The following RAB3GAP1 variants were observed in gnomAD, a reference collection of about 807,000 sequenced individuals.
The protein encoded by RAB3GAP1 is rab3 GTPase-activating protein catalytic subunit.
In RAB3GAP1, 86 loss-of-function variants were observed where a neutral mutation model predicts 130.7. That is an observed-to-expected ratio of 0.66 (90% CI 0.55 to 0.79). The LOEUF (loss-of-function observed/expected upper bound fraction) is 0.79, where lower values mean the gene tolerates loss of function less well. Ranked by LOEUF, RAB3GAP1 falls within the 30% of genes least tolerant of loss-of-function variation. The probability of loss-of-function intolerance (pLI) is 0.00; values close to 1 mark genes in which losing one functional copy is unlikely to be tolerated. For missense variants in RAB3GAP1, 1,029 were observed against 1,169.4 expected (o/e 0.88, Z 1.75); for synonymous variants, 367 against 401.7 (o/e 0.91, Z 1.03).
chr2:135,134,102 AT>A, intron 15 of RAB3GAP1, 69 bp downstream of exon 15: 3 of 1,571,974 alleles, frequency 1.9e-6, no homozygotes, highest in African/African-American at 1.3e-5. Context: ...CTTTTGACCT[AT>A]TTTTTCCCCC....
chr2:135,117,765 G>GCTTCTTCTTCTGCTT (rs1691065575), intron 7 of RAB3GAP1, among the ~76,000 whole-genome samples: 1 of 30,414 alleles, frequency 3.3e-5, no homozygotes, highest in African/African-American at 1.0e-4. Context: ...TGCTTCTTCT[G>GCTTCTTCTTCTGCTT]CTGCTTCTTC....
At chr2:135,124,398 GCTCATGCC>G in intron 9 of RAB3GAP1, 152 bp downstream of exon 9, 1 of 884,728 alleles carries the variant, frequency 1.1e-6, no homozygotes, top group Non-Finnish European at 1.8e-6. Flanking sequence ...CTGGGCACAG[GCTCATGCC>G]TGTAATCCTA....
intron 17 of RAB3GAP1, among the ~76,000 whole-genome samples, chr2:135,140,617 A>C (rs1179261070): frequency 6.6e-6 from 1 of 152,198 alleles, no homozygotes; most frequent in East Asian, 1.9e-4. Flanking sequence ...TGTTGCAACA[A>C]ATTGTGACCA....
chr2:135,052,986 T>G (rs1688921536), intron 2 of RAB3GAP1, among the ~76,000 whole-genome samples: 1 of 152,190 alleles, frequency 6.6e-6, no homozygotes, highest in South Asian at 2.1e-4. Flanking sequence ...CTGTCTTTAA[T>G]TTTTTATTTT....
Position 135,162,543 on chromosome 2 carries a change from C to T in RAB3GAP1, c.2290-12C>T. ...CTGCGCTGATCATTTGTGTGCGCTG[C>T]ACCTCCTTCAGGTGCTGCACTATCT... On this transcript the variant is annotated splice_polypyrimidine_tract_variant and intron_variant, in intron 19 of 23. Coordinates refer to ENST00000264158, the MANE Select transcript of RAB3GAP1 (RefSeq NM_012233.3). 1 of 1,606,648 alleles carries T rather than the reference C, an allele frequency of 6.2e-7. No individual in the cohort carries two copies. Among genetic ancestry groups the T allele is most frequent in the Non-Finnish European group, 8.5e-7 (1 of 1,173,940 alleles).
At chr2:135,109,497 A>G (rs1690732580) in intron 5 of RAB3GAP1, among the ~76,000 whole-genome samples, 1 of 152,084 alleles carries the variant, frequency 6.6e-6, no homozygotes. Context: ...GCATAGATAT[A>G]AAGAAATATG....
chr2:135,104,703 T>C (rs1271024336), intron 5 of RAB3GAP1, among the ~76,000 whole-genome samples: 1 of 143,572 alleles, frequency 7.0e-6, no homozygotes, highest in Admixed American at 7.0e-5. Flanking sequence ...AAATACAAAA[T>C]AAATAAATAA....
chr2:135,111,803 A>G (rs993442283), intron 5 of RAB3GAP1, among the ~76,000 whole-genome samples: 1 of 152,204 alleles, frequency 6.6e-6, no homozygotes, highest in African/African-American at 2.4e-5. Context: ...CTTTATACTT[A>G]AAATGTGCAC....
Position 135,163,241 on chromosome 2 carries a change from T to C in RAB3GAP1, c.2606+140T>C, listed in dbSNP as rs925412118. The C allele has an allele frequency of 6.9e-6, 5 of 720,594 alleles. No individual in the cohort carries two copies. The African/African-American group carries it at 8.8e-5, about 13-fold the overall frequency. 44.6% of individuals were successfully genotyped at this position (720,594 alleles called of 1,614,324 possible). Reference sequence around the variant, plus strand: ...AACAAGCATTGTCTAGAGACAGAAATAATTATCATAGCATTTGACCTCTCC... The same window carrying C: ...AACAAGCATTGTCTAGAGACAGAAACAATTATCATAGCATTTGACCTCTCC... On this transcript the variant is annotated intron_variant, in intron 22 of 23. Coordinates refer to ENST00000264158, the MANE Select transcript of RAB3GAP1 (RefSeq NM_012233.3).
intron 19 of RAB3GAP1, among the ~76,000 whole-genome samples, chr2:135,160,515 T>C (rs1199433863): frequency 6.6e-6 from 1 of 151,596 alleles, no homozygotes; most frequent in East Asian, 1.9e-4. Flanking sequence ...TTACTAAAAA[T>C]ACAAAAATTG....
intron 5 of RAB3GAP1, among the ~76,000 whole-genome samples, chr2:135,108,057 A>G (rs1214023844): frequency 6.6e-6 from 1 of 151,950 alleles, no homozygotes; most frequent in East Asian, 1.9e-4. Flanking sequence ...AGTAACAACA[A>G]ATATATCAAA....
chr2:135,111,908 T>A (rs1690812233), intron 5 of RAB3GAP1, among the ~76,000 whole-genome samples: 1 of 152,222 alleles, frequency 6.6e-6, no homozygotes, highest in African/African-American at 2.4e-5. Flanking sequence ...TTAGTAAAAA[T>A]CCTTCCATTA....
At chr2:135,120,693 A>C (rs1691170729) in intron 7 of RAB3GAP1, 126 bp from the exon 8 acceptor site, 2 of 772,702 alleles carry the variant, frequency 2.6e-6, no homozygotes, top group Non-Finnish European at 4.7e-6. Flanking sequence ...TTAACACTAG[A>C]ATCTGAAAAT....
intron 17 of RAB3GAP1, among the ~76,000 whole-genome samples, chr2:135,144,000 C>T (rs568821834): frequency 1.1e-4 from 16 of 152,256 alleles, no homozygotes; most frequent in African/African-American, 3.1e-4. Flanking sequence ...CCACTTTGCC[C>T]GCTGGGGCCC....
At chr2:135,081,810 A>C (rs984873840) in intron 3 of RAB3GAP1, among the ~76,000 whole-genome samples, 1 of 152,084 alleles carries the variant, frequency 6.6e-6, no homozygotes, top group Non-Finnish European at 1.5e-5. Flanking sequence ...ACAGATACAA[A>C]ATATTGTGAT....
At chr2:135,129,700 G>T (rs1375242232) in intron 11 of RAB3GAP1, among the ~76,000 whole-genome samples, 1 of 152,008 alleles carries the variant, frequency 6.6e-6, no homozygotes, top group Non-Finnish European at 1.5e-5. Flanking sequence ...AATGGATACT[G>T]TGTCTCATTG....
At chr2:135,146,379 T>G (rs544173196) in intron 17 of RAB3GAP1, among the ~76,000 whole-genome samples, 12 of 151,978 alleles carry the variant, frequency 7.9e-5, no homozygotes, top group Non-Finnish European at 1.5e-4. Context: ...GCCTGACTAA[T>G]TTTTGTATTT....
intron 17 of RAB3GAP1, 84 bp downstream of exon 17, chr2:135,136,016 G>C: frequency 6.4e-7 from 1 of 1,551,550 alleles, no homozygotes; most frequent in African/African-American, 1.4e-5. Flanking sequence ...CTTTGAGTAA[G>C]GAAAATTATC....
At chr2:135,117,102 C>T (rs1690994407) in intron 7 of RAB3GAP1, among the ~76,000 whole-genome samples, 2 of 151,886 alleles carry the variant, frequency 1.3e-5, no homozygotes, top group African/African-American at 4.8e-5. Flanking sequence ...CCTTTTACCT[C>T]TCTGCCTGTC....
Sources: allele counts gnomAD v4.1 joint callset (sites outside exome capture counted in the v4.1 genomes callset), GRCh38; gene constraint gnomAD v4.1.1; transcripts MANE v1.5; gene names NCBI Gene and HGNC (gene_info 2026-07-23, HGNC 2026-07-21).